Variants in RAB6A observed in about 807,000 individuals in gnomAD.
The protein encoded by RAB6A is ras-related protein Rab-6A.
In RAB6A, 8 loss-of-function variants were observed where a neutral mutation model predicts 32.3. The ratio of observed to expected loss-of-function variants is 0.25; its 90% CI spans 0.15 to 0.45. RAB6A has a LOEUF of 0.45. Ranked by LOEUF, RAB6A falls within the 20% of genes least tolerant of loss-of-function variation. The pLI is 1.00. For missense variants in RAB6A, 104 were observed against 249.4 expected (o/e 0.42, Z 3.93); for synonymous variants, 73 against 82.1 (o/e 0.89, Z 0.60).
intron 1 of RAB6A, among the ~76,000 whole-genome samples, chr11:73,759,321 A>G (rs905712832): frequency 1.3e-5 from 2 of 152,294 alleles, no homozygotes; most frequent in East Asian, 1.9e-4. Context: ...AAGTTTGTAT[A>G]ATACAGCATA....
At chr11:73,738,530 T>C (rs893403251) in intron 1 of RAB6A, among the ~76,000 whole-genome samples, 3 of 152,142 alleles carry the variant, frequency 2.0e-5, no homozygotes, top group Admixed American at 6.5e-5. Context: ...AGTAGACCTG[T>C]AGCCCCAGCT....
chr11:73,735,040 T>G (rs1418957755), intron 1 of RAB6A, among the ~76,000 whole-genome samples: 1 of 152,202 alleles, frequency 6.6e-6, no homozygotes, highest in East Asian at 1.9e-4. Flanking sequence ...TCTTAATAAC[T>G]ACATTTGCAT....
At chr11:73,755,499 C>T (rs906720705) in intron 1 of RAB6A, among the ~76,000 whole-genome samples, 4 of 152,014 alleles carry the variant, frequency 2.6e-5, no homozygotes, top group Non-Finnish European at 5.9e-5. Context: ...CGCCATGTTG[C>T]CCAGGCTGGT....
At chr11:73,726,379 G>A (rs1946220772) in intron 2 of RAB6A, among the ~76,000 whole-genome samples, 1 of 150,534 alleles carries the variant, frequency 6.6e-6, no homozygotes, top group Non-Finnish European at 1.5e-5. Context: ...TCAGGAGATC[G>A]AGACCATCCT....
chr11:73,711,168 G>A (rs1945952349), intron 5 of RAB6A, among the ~76,000 whole-genome samples: 1 of 152,158 alleles, frequency 6.6e-6, no homozygotes, highest in Admixed American at 6.5e-5. Flanking sequence ...CAGCACGGTG[G>A]TATGAGGGCT....
rs1395271765 is a variant in RAB6A at position 73,746,517 on chromosome 11, A to C, written c.70+14049T>G. ...AGTGAGACTCTGTCTCTTAAAAAAA[A>C]CCAGCACTTTGGGAGGCCAAGGCAG... On this transcript the variant is annotated intron_variant, in intron 1 of 7. Transcript: ENST00000336083. 2.6e-5 allele frequency among the ~76,000 whole-genome samples: 4 copies of C among 152,150 alleles called. No homozygotes were observed. In the East Asian group the frequency reaches 5.8e-4, roughly 22 times the overall value.
chr11:73,735,937 A>AAAAAAAAAAG (rs56012322), intron 1 of RAB6A, among the ~76,000 whole-genome samples: 2 of 123,556 alleles, frequency 1.6e-5, no homozygotes, highest in African/African-American at 2.8e-5. Context: ...AAAAAAAAAA[A>AAAAAAAAAAG]AGAGAGAGAG....
At position 73,676,920 on chromosome 11, in the gene RAB6A, C is replaced by T. The variant is rs764752479; in HGVS notation, c.*978G>A. 6 of 166,842 alleles carry T rather than the reference C, an allele frequency of 3.6e-5. No individual in the cohort carries two copies. The highest frequency in any genetic ancestry group is 8.8e-5 in the Non-Finnish European group (6 of 68,122). 10.3% of individuals were successfully genotyped at this position (166,842 alleles called of 1,614,324 possible). ...CTTCTGGAAGGAATTAAAACTTTTA[C>T]AGTGCCTTGCCTGCACAGTATTATG... is the stretch of plus-strand genomic sequence containing the variant. On this transcript the variant is annotated 3_prime_UTR_variant, in exon 8 of 8. Coordinates refer to ENST00000336083, the MANE Select transcript of RAB6A (RefSeq NM_198896.2).
chr11:73,682,189 G>A (rs1434183929), intron 6 of RAB6A, among the ~76,000 whole-genome samples: 2 of 152,032 alleles, frequency 1.3e-5, no homozygotes, highest in South Asian at 2.1e-4. Flanking sequence ...TGAGTGTGGC[G>A]ACACGAGCTT....
intron 6 of RAB6A, among the ~76,000 whole-genome samples, chr11:73,680,411 C>T (rs1359900484): frequency 6.6e-6 from 1 of 152,210 alleles, no homozygotes; most frequent in Non-Finnish European, 1.5e-5. Context: ...AATCCCAGCA[C>T]TTTGGGAGGC....
chr11:73,689,016 A>C (rs1945503301), intron 6 of RAB6A, among the ~76,000 whole-genome samples: 1 of 152,048 alleles, frequency 6.6e-6, no homozygotes, highest in South Asian at 2.1e-4. Context: ...CAAGCTATTC[A>C]GGAGGCTGAG....
At chr11:73,687,254 G>T (rs60887305) in intron 6 of RAB6A, among the ~76,000 whole-genome samples, 3,626 of 152,144 alleles carry the variant, frequency 0.024, 147 homozygotes, top group African/African-American at 0.083. Flanking sequence ...TTATTTAATG[G>T]GTACAGAATG....
intron 2 of RAB6A, among the ~76,000 whole-genome samples, chr11:73,728,132 A>G (rs1225708826): frequency 6.6e-6 from 1 of 152,194 alleles, no homozygotes. Flanking sequence ...TAGTGTCTCA[A>G]AGTACTTGCT....
At position 73,760,628 on chromosome 11, in the gene RAB6A, G is replaced by C; in HGVS notation, c.8C>G (p.Thr3Arg). Residue 3 changes from threonine (T) to arginine (R), a missense_variant, in exon 1 of 8, where the codon ACG becomes AGG. Coordinates refer to ENST00000336083, the MANE Select transcript of RAB6A (RefSeq NM_198896.2). ...CAGCGGATTCCCGAAGTCTCCGCCC[G>C]TGGACATTGTGGAACTAGAGGAGCG... MS[T>R]GGDFGNPLRK... is the part of the protein sequence containing the mutation. The C allele has an allele frequency of 6.2e-7, 1 of 1,609,824 alleles. No homozygotes were observed. The highest frequency in any genetic ancestry group is 8.5e-7 in the Non-Finnish European group (1 of 1,178,286).
At position 73,736,824 on chromosome 11, in the gene RAB6A, A is replaced by AAAC. The variant is rs1555066488; in HGVS notation, c.71-6004_71-6002dup. 8.2e-3 allele frequency among the ~76,000 whole-genome samples: 1,185 copies of AAAC among 144,668 alleles called. 14 individuals are homozygous for AAAC. Among genetic ancestry groups the AAAC allele is most frequent in the Middle Eastern group, 0.018 (5 of 284 alleles). 94.9% of individuals were successfully genotyped at this position (144,668 alleles called of 152,430 possible). A position where few individuals can be genotyped will look rare whatever the true frequency, so the allele number is the denominator to read the frequency against. ...AAAAAAAAAAGAAAAAAAAAAAAAA[A>AAAC]AACAATTAGCCAGGCATGGTGGTAC... On this transcript the variant is annotated intron_variant, in intron 1 of 7. Transcript: ENST00000336083.
intron 1 of RAB6A, among the ~76,000 whole-genome samples, chr11:73,759,444 C>A (rs994912389): frequency 6.6e-6 from 1 of 152,014 alleles, no homozygotes; most frequent in Non-Finnish European, 1.5e-5. Flanking sequence ...AATGACATAA[C>A]AATTTCACTC....
chr11:73,711,219 T>G (rs773402075), intron 5 of RAB6A, among the ~76,000 whole-genome samples: 9 of 152,314 alleles, frequency 5.9e-5, no homozygotes, highest in Non-Finnish European at 1.2e-4. Context: ...TAGGTCCTGC[T>G]GAAGCTTCTC....
chr11:73,738,321 G>C (rs1315127563), intron 1 of RAB6A, among the ~76,000 whole-genome samples: 1 of 152,040 alleles, frequency 6.6e-6, no homozygotes, highest in Non-Finnish European at 1.5e-5. Flanking sequence ...ACTACAATGT[G>C]AATGTTCTTA....
chr11:73,704,592 G>A (rs1422958943), intron 6 of RAB6A, among the ~76,000 whole-genome samples: 1 of 151,928 alleles, frequency 6.6e-6, no homozygotes, highest in Non-Finnish European at 1.5e-5. Flanking sequence ...GGCTGCGGCA[G>A]GAGAATCACT....
Sources: gnomAD v4.1 joint callset for allele counts (sites outside exome capture counted in the v4.1 genomes callset) on GRCh38, gnomAD v4.1.1 for gene constraint, MANE v1.5 for transcripts, NCBI Gene and HGNC (gene_info 2026-07-23, HGNC 2026-07-21) for gene names.